AMZ2: variants seen among roughly 807,000 people sequenced by gnomAD.
The protein encoded by AMZ2 is archaelysin family metallopeptidase 2.
Under a neutral mutation model 36.7 loss-of-function variants are expected in AMZ2, and 26 were observed. The ratio of observed to expected loss-of-function variants is 0.71; its 90% CI spans 0.52 to 0.98. The LOEUF (loss-of-function observed/expected upper bound fraction) is 0.98, where lower values mean the gene tolerates loss of function less well. AMZ2 is among the 50% of genes least tolerant of loss of function. The probability of loss-of-function intolerance (pLI) is 0.00; values close to 1 mark genes in which losing one functional copy is unlikely to be tolerated. For missense variants in AMZ2, 394 were observed against 430.5 expected, an observed-to-expected ratio of 0.92 and a Z score of 0.75; for synonymous variants, 144 against 149.1, an observed-to-expected ratio of 0.97 and a Z score of 0.25.
intron 1 of AMZ2, among the ~76,000 whole-genome samples, chr17:68,232,856 T>A (rs540449687): frequency 6.6e-6 from 1 of 152,270 alleles, no homozygotes; most frequent in South Asian, 2.1e-4. Context: ...GAGACAAACT[T>A]TGTTCATTCT....
chr17:68,232,641 G>A (rs1742741621), intron 1 of AMZ2, among the ~76,000 whole-genome samples: 1 of 151,924 alleles, frequency 6.6e-6, no homozygotes, highest in Non-Finnish European at 1.5e-5. Flanking sequence ...TCAGGAGTTC[G>A]AGACCAGCCT....
intron 1 of AMZ2, among the ~76,000 whole-genome samples, chr17:68,221,683 A>G (rs2073370957): frequency 6.6e-6 from 1 of 151,600 alleles, no homozygotes; most frequent in African/African-American, 2.4e-5. Flanking sequence ...AGCCGAGATC[A>G]CACCACTGCA....
At chr17:68,221,222 C>CCCCA (rs2073355957) in intron 1 of AMZ2, among the ~76,000 whole-genome samples, 3 of 85,632 alleles carry the variant, frequency 3.5e-5, no homozygotes, top group Admixed American at 1.1e-4. Context: ...CCCCCCCGCC[C>CCCCA]CCCCGGTAGC....
At chr17:68,234,477 T>C (rs572393233) in intron 1 of AMZ2, among the ~76,000 whole-genome samples, 1 of 151,532 alleles carries the variant, frequency 6.6e-6, no homozygotes, top group South Asian at 2.1e-4. Context: ...ATGTATCTTA[T>C]TGGCTGGGTG....
At chr17:68,219,788 T>C (rs1366493531) in intron 1 of AMZ2, among the ~76,000 whole-genome samples, 1 of 151,654 alleles carries the variant, frequency 6.6e-6, no homozygotes, top group Non-Finnish European at 1.5e-5. Flanking sequence ...CCCACCTCAG[T>C]CTCCCGAAGT....
At chr17:68,225,253 G>C (rs1555729617) in intron 1 of AMZ2, among the ~76,000 whole-genome samples, 1 of 152,098 alleles carries the variant, frequency 6.6e-6, no homozygotes, top group Non-Finnish European at 1.5e-5. Context: ...CATCACCTTT[G>C]CCACCCTGCA....
chr17:68,208,588 G>A (rs1220071983), intron 1 of AMZ2, among the ~76,000 whole-genome samples: 1 of 152,172 alleles, frequency 6.6e-6, no homozygotes, highest in East Asian at 1.9e-4. Flanking sequence ...ATAAAAGCAG[G>A]CTGCCCCAGC....
chr17:68,235,323 G>A lies in AMZ2; in HGVS notation c.-66-13317G>A, dbSNP rs1399445511. 2.0e-5 allele frequency among the ~76,000 whole-genome samples: 3 copies of A among 152,214 alleles called. No homozygotes were observed. Among genetic ancestry groups the A allele is most frequent in the Non-Finnish European group, 2.9e-5 (2 of 68,032 alleles). On this transcript the variant is annotated intron_variant, in intron 1 of 7. Coordinates refer to the AMZ2 transcript ENST00000674770. The surrounding 1 kb of genome is among the most constrained non-coding windows in gnomAD (Gnocchi z 4.2). ...TTCTGGTAATAAACAGTTGAAAGGA[G>A]CTGTTCCCATGTCTTATTTAATTCT...
chr17:68,253,410 T>C (rs1479299289), intron 4 of AMZ2, among the ~76,000 whole-genome samples: 1 of 152,178 alleles, frequency 6.6e-6, no homozygotes, highest in Non-Finnish European at 1.5e-5. Flanking sequence ...AGCAGTACCC[T>C]GTAGGGTGAG....
intron 1 of AMZ2, among the ~76,000 whole-genome samples, chr17:68,209,782 G>A (rs569546348): frequency 1.3e-5 from 2 of 148,442 alleles, no homozygotes; most frequent in African/African-American, 5.2e-5. Flanking sequence ...CACCATACCC[G>A]GCTAAGTTTT....
At chr17:68,223,898 A>ATTT (rs1555729196) in intron 1 of AMZ2, among the ~76,000 whole-genome samples, 3,043 of 111,686 alleles carry the variant, frequency 0.027, 103 homozygotes, top group African/African-American at 0.082. Context: ...ATATATATAT[A>ATTT]TTTTTTTTTG....
chr17:68,245,805 T>C (rs1430410871), upstream of AMZ2, among the ~76,000 whole-genome samples: 1 of 152,096 alleles, frequency 6.6e-6, no homozygotes, highest in African/African-American at 2.4e-5. Flanking sequence ...TAGGTTACAA[T>C]CATTGTGACA....
upstream of AMZ2, among the ~76,000 whole-genome samples, chr17:68,244,082 G>A (rs1221562481): frequency 6.6e-6 from 1 of 152,120 alleles, no homozygotes; most frequent in Non-Finnish European, 1.5e-5. Flanking sequence ...TGAATAACAG[G>A]AGCCAGGTTT....
intron 1 of AMZ2, among the ~76,000 whole-genome samples, chr17:68,238,013 C>A (rs536797312): frequency 6.6e-6 from 1 of 152,264 alleles, no homozygotes; most frequent in Admixed American, 6.5e-5. Flanking sequence ...CTTATTCAGA[C>A]CATCTCCTCC....
intron 1 of AMZ2, among the ~76,000 whole-genome samples, chr17:68,217,375 T>C (rs1407379037): frequency 8.5e-5 from 13 of 152,240 alleles, no homozygotes; most frequent in African/African-American, 3.1e-4. Flanking sequence ...GCTATAGTCG[T>C]CATTCAAATT....
chr17:68,245,582 A>G (rs1236417517), upstream of AMZ2, among the ~76,000 whole-genome samples: 1 of 152,182 alleles, frequency 6.6e-6, no homozygotes, highest in East Asian at 1.9e-4. Flanking sequence ...ATATTAGACC[A>G]TGCAGAAATA....
chr17:68,210,957 AGG>A (rs71142141), intron 1 of AMZ2, among the ~76,000 whole-genome samples: 35,600 of 117,846 alleles, frequency 0.3, 5,076 homozygotes, highest in South Asian at 0.37. Context: ...TCAAAAAAAA[AGG>A]GGGGGGGGGA....
At chr17:68,241,476 C>T (rs2073898954) in intron 1 of AMZ2, among the ~76,000 whole-genome samples, 1 of 152,046 alleles carries the variant, frequency 6.6e-6, no homozygotes, top group South Asian at 2.1e-4. Flanking sequence ...CCTCATTTCT[C>T]ATGGCAGTAA....
Position 68,250,433 on chromosome 17 carries a change from C to G in AMZ2, c.246C>G (p.Pro82=). The change falls in exon 2 of 7, where the codon CCC becomes CCG. Residue 82 remains proline (P), a synonymous_variant. Coordinates refer to ENST00000359904, the MANE Select transcript of AMZ2 (RefSeq NM_016627.5). The stretch of plus-strand genomic sequence containing the variant: ...TCAGTGATCCTTACAGAAAGACACC[C>G]TCTCCAAACAAACGCAGCATTTATA... ...QFFSDPYRKT[P]SPNKRSIYIQ... The G allele has an allele frequency of 6.2e-7, 1 of 1,614,182 alleles. No homozygotes were observed. Among genetic ancestry groups the G allele is most frequent in the Non-Finnish European group, 8.5e-7 (1 of 1,180,044 alleles).
Sources: allele counts gnomAD v4.1 joint callset (sites outside exome capture counted in the v4.1 genomes callset), GRCh38; gene constraint gnomAD v4.1.1; non-coding constraint Gnocchi (gnomAD v3.1); transcripts MANE v1.5; gene names NCBI Gene and HGNC (gene_info 2026-07-23, HGNC 2026-07-21).